MYL4: variants seen among roughly 807,000 people sequenced by gnomAD.
MYL4 encodes the protein atrial myosin light chain 1.
MYL4 carries 16 observed loss-of-function variants against 21.6 expected under a neutral mutation model. The observed-to-expected ratio is 0.74, with a 90% CI of 0.50 to 1.12. The LOEUF is 1.12. MYL4 is among the 50% of genes most tolerant of loss of function. MYL4 has a pLI of 0.00. For missense variants in MYL4, 249 were observed against 252.9 expected (o/e 0.98, Z 0.11); for synonymous variants, 82 against 95.7 (o/e 0.86, Z 0.83).
chr17:47,209,681 G>A, intron 1 of MYL4, 124 bp downstream of exon 1: 1 of 1,452,060 alleles, frequency 6.9e-7, no homozygotes, highest in Non-Finnish European at 9.6e-7. Context: ...CCATGCCCCA[G>A]ATCGCAGTCC....
chr17:47,225,855 C>CTTTTTTTTTTTTT (rs60342000), downstream of MYL4, among the ~76,000 whole-genome samples: 2 of 113,300 alleles, frequency 1.8e-5, no homozygotes, highest in African/African-American at 3.5e-5. Context: ...TCCTTCCCTT[C>CTTTTTTTTTTTTT]TTTTTTTTTT....
At chr17:47,197,511 G>T (rs544697777), upstream of MYL4, among the ~76,000 whole-genome samples, 1 of 152,132 alleles carries the variant, frequency 6.6e-6, no homozygotes, top group African/African-American at 2.4e-5. Flanking sequence ...TGACTAGGGC[G>T]CCTAGGGCTG....
At chr17:47,208,554 C>CAT (rs924959517), upstream of MYL4, among the ~76,000 whole-genome samples, 2 of 70,870 alleles carry the variant, frequency 2.8e-5, no homozygotes, top group African/African-American at 6.3e-5. Context: ...AAGCACTACA[C>CAT]ACACACACAC....
upstream of MYL4, among the ~76,000 whole-genome samples, chr17:47,199,315 AAC>A (rs200324725): frequency 8.2e-4 from 95 of 116,100 alleles, no homozygotes; most frequent in South Asian, 6.4e-3. Context: ...AAAAAAAAAA[AAC>A]CCCAGAAAAA....
intron 3 of MYL4, 103 bp from the exon 4 acceptor site, chr17:47,221,579 C>A (rs184715771): frequency 7.4e-6 from 10 of 1,347,690 alleles, no homozygotes; most frequent in African/African-American, 1.4e-5. Context: ...GCAGCCCAAG[C>A]CCTGGGTGCT....
At chr17:47,209,304 G>A (rs182025742), upstream of MYL4, 736 of 1,360,922 alleles carry the variant, frequency 5.4e-4, no homozygotes, top group Non-Finnish European at 3.7e-4. Flanking sequence ...CTCTGTGGGG[G>A]CTCCTGCCCA....
intron 3 of MYL4, 128 bp downstream of exon 3, chr17:47,220,181 C>A: frequency 8.5e-7 from 1 of 1,177,684 alleles, no homozygotes; most frequent in African/African-American, 1.5e-5. Flanking sequence ...GGACCAGCCT[C>A]ACCTACCCAG....
At chr17:47,210,193 C>A (rs2064763589) in intron 1 of MYL4, among the ~76,000 whole-genome samples, 1 of 152,326 alleles carries the variant, frequency 6.6e-6, no homozygotes, top group African/African-American at 2.4e-5. Context: ...ATGCAGAGGA[C>A]TGGCCCACCC....
the MYL4 span, among the ~76,000 whole-genome samples, chr17:47,195,267 T>C: frequency 1.3e-5 from 2 of 150,966 alleles, no homozygotes; most frequent in Non-Finnish European, 3.0e-5. Context: ...TTTGCTCTTG[T>C]TGCCCAGGCT....
At chr17:47,199,220 A>T (rs1471380651), upstream of MYL4, among the ~76,000 whole-genome samples, 6 of 151,478 alleles carry the variant, frequency 4.0e-5, no homozygotes, top group Non-Finnish European at 7.4e-5. Context: ...CAGCCTGGGC[A>T]ACAGAGCAAG....
chr17:47,209,438 C>G lies in MYL4; in HGVS notation c.16C>G (p.Pro6Ala). The G allele has an allele frequency of 6.2e-7, 1 of 1,614,208 alleles. No homozygotes were observed. The highest frequency in any genetic ancestry group is 8.5e-7 in the Non-Finnish European group (1 of 1,180,036). The change falls in exon 1 of 7, where the codon CCT becomes GCT. Residue 6 changes from proline to alanine, a missense_variant. Transcript: ENST00000393450. MAPKK[P>A]EPKKEAAKPA... ...ACAAGACAACATGGCTCCCAAGAAGCCTGAGCCTAAGAAGGAGGCAGCCAA... is the reference window on the plus strand; with the variant it reads ...ACAAGACAACATGGCTCCCAAGAAGGCTGAGCCTAAGAAGGAGGCAGCCAA...
the MYL4 span, chr17:47,189,523 G>A: frequency 2.6e-6 from 1 of 382,568 alleles, no homozygotes; most frequent in Non-Finnish European, 5.0e-6. Flanking sequence ...ACGCCCAATC[G>A]GCCGTCCCAG....
chr17:47,198,140 G>A (rs1946677446), upstream of MYL4, among the ~76,000 whole-genome samples: 1 of 152,132 alleles, frequency 6.6e-6, no homozygotes, highest in South Asian at 2.1e-4. Flanking sequence ...AGGCTGCCAG[G>A]GAGTCTGGGC....
At chr17:47,192,162 C>T in the MYL4 span, among the ~76,000 whole-genome samples, 2 of 152,114 alleles carry the variant, frequency 1.3e-5, no homozygotes, top group Non-Finnish European at 2.9e-5. Flanking sequence ...CCAGACCAGC[C>T]TGACCAACAT....
downstream of MYL4, chr17:47,223,807 T>C (rs974800657): frequency 6.6e-6 from 1 of 151,926 alleles, no homozygotes; most frequent in African/African-American, 2.4e-5. Context: ...GAGAAATGAG[T>C]AGTATCTGGG....
chr17:47,193,588 G>A, the MYL4 span, among the ~76,000 whole-genome samples: 8 of 151,932 alleles, frequency 5.3e-5, no homozygotes, highest in East Asian at 3.9e-4. Context: ...TTTTTTAATC[G>A]GTTTCCTTTG....
At chr17:47,209,305 C>T, upstream of MYL4, 4 of 1,390,094 alleles carry the variant, frequency 2.9e-6, no homozygotes, top group Admixed American at 5.3e-5. Flanking sequence ...TCTGTGGGGG[C>T]TCCTGCCCAG....
At chr17:47,225,705 T>A (rs1727886467), downstream of MYL4, among the ~76,000 whole-genome samples, 1 of 152,210 alleles carries the variant, frequency 6.6e-6, no homozygotes. Context: ...TTTCCAAGCT[T>A]GGCTCTTAGG....
intron 1 of MYL4, chr17:47,200,593 A>G (rs544950764): frequency 3.7e-4 from 56 of 152,348 alleles, no homozygotes; most frequent in African/African-American, 1.3e-3. Context: ...ACTGGTGAGG[A>G]TTCCAACTTG....
Sources: allele counts gnomAD v4.1 joint callset (sites outside exome capture counted in the v4.1 genomes callset), GRCh38; gene constraint gnomAD v4.1.1; transcripts MANE v1.5; gene names NCBI Gene and HGNC (gene_info 2026-07-23, HGNC 2026-07-21).